The following ADGRF5 variants were observed in gnomAD, a reference collection of about 807,000 sequenced individuals.
The protein encoded by ADGRF5 is adhesion G protein-coupled receptor F5.
A neutral mutation model predicts 132.3 loss-of-function variants in ADGRF5; 75 were observed. The observed-to-expected ratio is 0.57, with a 90% confidence interval of 0.47 to 0.69. The LOEUF (loss-of-function observed/expected upper bound fraction) is 0.69. Ranked by LOEUF, ADGRF5 falls within the 30% of genes least tolerant of loss-of-function variation. The pLI, the probability that ADGRF5 is intolerant of heterozygous loss-of-function variation, is 0.00. For synonymous variants in ADGRF5, 629 were observed against 597.6 expected (o/e 1.05, Z -0.77); for missense variants, 1,516 against 1,630.6 (o/e 0.93, Z 1.21).
chr6:46,904,496 C>A (rs1274141542), intron 2 of ADGRF5, among the ~76,000 whole-genome samples: 6 of 151,920 alleles, frequency 3.9e-5, no homozygotes, highest in Non-Finnish European at 8.8e-5. Context: ...TCTAGAATCA[C>A]CAAATTAATA....
At chr6:46,909,015 C>A (rs1158341096) in intron 1 of ADGRF5, 1 of 152,066 alleles carries the variant, frequency 6.6e-6, no homozygotes, top group East Asian at 1.9e-4. Flanking sequence ...GGGTAGAGAC[C>A]TAAAGATCAA....
chr6:46,862,471 AT>A (rs750239667), intron 15 of ADGRF5, among the ~76,000 whole-genome samples: 116 of 152,042 alleles, frequency 7.6e-4, no homozygotes, highest in African/African-American at 1.9e-3. Flanking sequence ...AAGCCCAGCT[AT>A]TTTTTTTAAA....
intron 12 of ADGRF5, among the ~76,000 whole-genome samples, chr6:46,868,190 T>C (rs1380145267): frequency 1.3e-5 from 2 of 152,222 alleles, no homozygotes; most frequent in African/African-American, 4.8e-5. Flanking sequence ...AGCCAGTCAA[T>C]CTGCGTTTGC....
intron 13 of ADGRF5, 150 bp downstream of exon 13, chr6:46,866,775 T>C (rs1029281795): frequency 1.7e-5 from 10 of 584,078 alleles, no homozygotes; most frequent in East Asian, 2.8e-5. Context: ...CATAGCAAAA[T>C]AGAAGGTAAC....
chr6:46,951,692 G>A (rs1778505297), intron 1 of ADGRF5, among the ~76,000 whole-genome samples: 1 of 152,110 alleles, frequency 6.6e-6, no homozygotes, highest in African/African-American at 2.4e-5. Context: ...CCTAAAGCAG[G>A]GACTGCTTAA....
intron 9 of ADGRF5, 65 bp from the exon 10 acceptor site, chr6:46,878,470 C>A (rs771912388): frequency 3.1e-6 from 3 of 969,482 alleles, no homozygotes; most frequent in South Asian, 2.8e-5. Flanking sequence ...AGGAATGTAC[C>A]GTCAGCTCAT....
chr6:46,888,988 T>C (rs917674201), intron 3 of ADGRF5, among the ~76,000 whole-genome samples: 7 of 152,074 alleles, frequency 4.6e-5, no homozygotes, highest in Non-Finnish European at 7.4e-5. Flanking sequence ...TGTTCAGAAC[T>C]GGACACTGCT....
intron 1 of ADGRF5, among the ~76,000 whole-genome samples, chr6:46,934,339 C>G (rs1208021676): frequency 6.6e-6 from 1 of 152,192 alleles, no homozygotes; most frequent in Non-Finnish European, 1.5e-5. Flanking sequence ...TGGACCAGAT[C>G]TTTTATTGAC....
chr6:46,933,516 G>C (rs1028651802), intron 1 of ADGRF5, among the ~76,000 whole-genome samples: 5 of 152,196 alleles, frequency 3.3e-5, no homozygotes, highest in Non-Finnish European at 5.9e-5. Flanking sequence ...CAAACCCAGA[G>C]AGATGGACCG....
intron 2 of ADGRF5, chr6:46,903,666 C>T (rs1287060730): frequency 6.6e-6 from 1 of 152,138 alleles, no homozygotes; most frequent in African/African-American, 2.4e-5. Flanking sequence ...CTGAAACTTC[C>T]AATTTAACAT....
rs572248 is a variant in ADGRF5, at chr6:46,858,978, T to A, written c.2925A>T (p.Val975=). ...TGACATTGTCCCCATCACCTTCTTC[T>A]ACATAGCACCCACTGCTGTCCCACC... The part of the protein sequence containing the change: ...TGGWDSSGCY[V]EEGDGDNVTC... Residue 975 remains valine (V), a synonymous_variant, in exon 17 of 21, where the codon GTA becomes GTT. Transcript: ENST00000283296. 1,482,515 of 1,613,896 alleles carry A rather than the reference T, an allele frequency of 0.92. 685,965 individuals carry two copies. Among genetic ancestry groups the A allele is most frequent in the East Asian group, 0.99 (44,489 of 44,866 alleles).
intron 1 of ADGRF5, among the ~76,000 whole-genome samples, chr6:46,947,561 G>A (rs1266245502): frequency 6.6e-6 from 1 of 152,180 alleles, no homozygotes; most frequent in Non-Finnish European, 1.5e-5. Context: ...AAACGAAGAA[G>A]TGGTGGGCAG....
chr6:46,953,655 A>ATATATATATATATATG (rs1778593614), intron 1 of ADGRF5, among the ~76,000 whole-genome samples: 1 of 22,076 alleles, frequency 4.5e-5, no homozygotes, highest in African/African-American at 1.1e-4. Context: ...ATATGTGTAT[A>ATATATATATATATATG]TATATATATA....
chr6:46,901,602 A>G (rs1774774245), intron 2 of ADGRF5, among the ~76,000 whole-genome samples: 1 of 152,224 alleles, frequency 6.6e-6, no homozygotes, highest in Admixed American at 6.5e-5. Context: ...ACAGGCAGAG[A>G]GAGGTCCAGT....
intron 14 of ADGRF5, 169 bp from the exon 15 acceptor site, chr6:46,863,265 G>A (rs1319833838): frequency 1.4e-6 from 1 of 695,818 alleles, no homozygotes; most frequent in East Asian, 2.8e-5. Flanking sequence ...ATTTTCCAAA[G>A]CCCCTCTCTG....
rs187479702 is a variant in ADGRF5, at chr6:46,945,020, G to A, written c.-25+9714C>T. Among the ~76,000 whole-genome samples the A allele has an allele frequency of 2.2e-3, 329 of 152,294 alleles. 1 individual carries two copies. Among genetic ancestry groups the A allele is most frequent in the African/African-American group, 7.5e-3 (313 of 41,548 alleles). On this transcript the variant is annotated intron_variant, in intron 1 of 20. Coordinates refer to the ADGRF5 transcript ENST00000265417. ...AAGAGTAGACAAGTTCTGCAGGTGC[G>A]CTGTGGAAAATTTATGCAACACCAG...
rs562075699 is a variant in ADGRF5, at chr6:46,882,543, C to T, written c.613-436G>A. On this transcript the variant is annotated intron_variant, in intron 6 of 20. Transcript: ENST00000283296. Reference sequence around the variant, plus strand: ...ATTGGTAGGGAGCAGCGGTGATGGTCGTGGATTTCAGAAGCAGCAGCTGCA... The same window carrying T: ...ATTGGTAGGGAGCAGCGGTGATGGTTGTGGATTTCAGAAGCAGCAGCTGCA... Among the ~76,000 whole-genome samples the T allele has an allele frequency of 3.1e-3, 476 of 152,290 alleles. 3 individuals carry two copies. The highest frequency in any genetic ancestry group is 0.011 in the African/African-American group (444 of 41,548).
upstream of ADGRF5, among the ~76,000 whole-genome samples, chr6:46,924,582 A>G (rs1777157429): frequency 1.3e-5 from 2 of 152,174 alleles, no homozygotes; most frequent in Middle Eastern, 3.2e-3. Flanking sequence ...TGACTTCCAA[A>G]TGTCTATCTC....
At chr6:46,949,102 T>C (rs1778403201) in intron 1 of ADGRF5, among the ~76,000 whole-genome samples, 1 of 152,208 alleles carries the variant, frequency 6.6e-6, no homozygotes, top group Admixed American at 6.5e-5. Context: ...TTTTAATTAG[T>C]GTTTTTAAGA....
Sources: allele counts gnomAD v4.1 joint callset (sites outside exome capture counted in the v4.1 genomes callset), GRCh38; gene constraint gnomAD v4.1.1; transcripts MANE v1.5; gene names NCBI Gene and HGNC (gene_info 2026-07-23, HGNC 2026-07-21).